The following BLTP1 variants were observed in gnomAD, a reference collection of about 807,000 sequenced individuals.
The protein encoded by BLTP1 is fragile site-associated protein.
chr4:122,286,691 A>G, the BLTP1 span: 216 of 1,613,690 alleles, frequency 1.3e-4, no homozygotes, highest in South Asian at 7.0e-4. Context: ...ATGGAAGAAC[A>G]TGATAGTTAT....
chr4:122,208,707 A>C, the BLTP1 span: 5 of 947,964 alleles, frequency 5.3e-6, no homozygotes, highest in Non-Finnish European at 6.3e-6. Flanking sequence ...AGTTTTAGTC[A>C]ATGTAAAATC....
chr4:122,307,128 G>A, the BLTP1 span, among the ~76,000 whole-genome samples: 1 of 152,086 alleles, frequency 6.6e-6, no homozygotes, highest in Non-Finnish European at 1.5e-5. Context: ...GTATATTTGT[G>A]TATACATAAT....
At chr4:122,262,086 T>A in the BLTP1 span, 1 of 761,418 alleles carries the variant, frequency 1.3e-6, no homozygotes, top group Non-Finnish European at 1.6e-6. Flanking sequence ...TAGCTTTTCT[T>A]TCTTTAGTTT....
the BLTP1 span, chr4:122,348,376 C>G: frequency 5.7e-6 from 1 of 176,540 alleles, no homozygotes; most frequent in Admixed American, 6.5e-5. Context: ...GGTAAAGCTG[C>G]CAGCACTTAT....
chr4:122,197,323 A>G, the BLTP1 span: 1 of 1,247,168 alleles, frequency 8.0e-7, no homozygotes, highest in South Asian at 1.8e-5. Context: ...GGAAATAATT[A>G]TAAATAATAA....
At chr4:122,272,203 G>A in the BLTP1 span, 10 of 1,613,060 alleles carry the variant, frequency 6.2e-6, no homozygotes, top group African/African-American at 1.2e-4. Flanking sequence ...TTGTGTTTGA[G>A]AATGAACAAG....
chr4:122,325,612 A>C, the BLTP1 span: 154 of 1,120,816 alleles, frequency 1.4e-4, no homozygotes, highest in Non-Finnish European at 1.7e-4. Flanking sequence ...TCAAGTGAGA[A>C]TCCATATTAA....
chr4:122,180,025 TACACACACAC>T, the BLTP1 span: 13 of 908,100 alleles, frequency 1.4e-5, no homozygotes, highest in Non-Finnish European at 1.4e-5. Context: ...CACGTGCATG[TACACACACAC>T]ACACACACAT....
chr4:122,254,934 CATA>C, the BLTP1 span: 1 of 1,609,216 alleles, frequency 6.2e-7, no homozygotes. Context: ...TTATGGGATG[CATA>C]ATGACAGAAG....
At chr4:122,282,095 T>G in the BLTP1 span, 1 of 981,606 alleles carries the variant, frequency 1.0e-6, no homozygotes, top group Non-Finnish European at 1.2e-6. Context: ...ATAACTTGGT[T>G]TATTTTCACA....
the BLTP1 span, chr4:122,313,910 T>C: frequency 3.2e-5 from 9 of 282,206 alleles, no homozygotes; most frequent in African/African-American, 9.3e-5. Context: ...ACAAGATGTT[T>C]TAGAAAAGAT....
chr4:122,240,487 A>G, the BLTP1 span: 1 of 707,724 alleles, frequency 1.4e-6, no homozygotes, highest in Non-Finnish European at 2.3e-6. Flanking sequence ...CCATAGCTTT[A>G]TGTATGATAG....
At chr4:122,355,719 A>C in the BLTP1 span, 1 of 1,427,620 alleles carries the variant, frequency 7.0e-7, no homozygotes, top group Non-Finnish European at 9.3e-7. Context: ...TGTATATTAT[A>C]GTTGTCTTGA....
At chr4:122,265,989 C>G in the BLTP1 span, among the ~76,000 whole-genome samples, 3 of 152,152 alleles carry the variant, frequency 2.0e-5, no homozygotes, top group East Asian at 5.8e-4. Context: ...CCACCGTGCC[C>G]GGCCTAGATA....
At chr4:122,251,044 G>T in the BLTP1 span, 3 of 985,132 alleles carry the variant, frequency 3.0e-6, no homozygotes, top group African/African-American at 5.2e-5. Flanking sequence ...TTACATGGGT[G>T]GTGATGAGTA....
chr4:122,204,392 T>C, the BLTP1 span: 1 of 851,532 alleles, frequency 1.2e-6, no homozygotes, highest in Non-Finnish European at 1.4e-6. Context: ...ACAAAGCATG[T>C]TCACTTGTAT....
At chr4:122,282,471 A>G in the BLTP1 span, among the ~76,000 whole-genome samples, 1 of 152,162 alleles carries the variant, frequency 6.6e-6, no homozygotes, top group South Asian at 2.1e-4. Context: ...GCAAAACCCC[A>G]TCTCTGTTAA....
the BLTP1 span, among the ~76,000 whole-genome samples, chr4:122,266,113 A>G: frequency 6.6e-6 from 1 of 152,202 alleles, no homozygotes; most frequent in African/African-American, 2.4e-5. Flanking sequence ...GGGAAAAGGA[A>G]CCATGTGGCA....
chr4:122,205,071 A>C, the BLTP1 span, among the ~76,000 whole-genome samples: 1 of 151,816 alleles, frequency 6.6e-6, no homozygotes, highest in Non-Finnish European at 1.5e-5. Context: ...TTTCTAATAC[A>C]TTTGTGCTAG....
Sources: allele counts gnomAD v4.1 joint callset (sites outside exome capture counted in the v4.1 genomes callset), GRCh38; gene constraint gnomAD v4.1.1; transcripts MANE v1.5; gene names NCBI Gene and HGNC (gene_info 2026-07-23, HGNC 2026-07-21).